DAB1: variants seen among roughly 807,000 people sequenced by gnomAD.
DAB1 encodes the protein DAB adaptor protein 1.
A neutral mutation model predicts 64.6 loss-of-function variants in DAB1; 15 were observed. The ratio of observed to expected loss-of-function variants is 0.23; its 90% confidence interval spans 0.16 to 0.36. The LOEUF is 0.36. DAB1 is among the 10% of genes least tolerant of loss of function. DAB1 has a pLI of 1.00. For synonymous variants in DAB1, 235 were observed against 251.9 expected (o/e 0.93, Z 0.64); for missense variants, 596 against 706.7 (o/e 0.84, Z 1.78).
At chr1:57,205,793 C>A (rs1332332084) in intron 2 of DAB1, among the ~76,000 whole-genome samples, 1 of 152,176 alleles carries the variant, frequency 6.6e-6, no homozygotes, top group Non-Finnish European at 1.5e-5. Flanking sequence ...ACATCTCTAG[C>A]AAACAAGCTT....
chr1:57,403,447 G>A (rs1683402366), intron 1 of DAB1, among the ~76,000 whole-genome samples: 1 of 152,154 alleles, frequency 6.6e-6, no homozygotes, highest in Admixed American at 6.5e-5. Context: ...ACCTGGACTT[G>A]TTTATGTGAG....
intron 2 of DAB1, among the ~76,000 whole-genome samples, chr1:57,192,189 C>A (rs1305694806): frequency 2.0e-5 from 3 of 152,054 alleles, no homozygotes; most frequent in Non-Finnish European, 2.9e-5. Context: ...TTCTGGTGGG[C>A]ACCTGTAGTC....
chr1:57,196,342 G>A (rs1420020692), intron 2 of DAB1, among the ~76,000 whole-genome samples: 3 of 152,194 alleles, frequency 2.0e-5, no homozygotes, highest in East Asian at 3.9e-4. Flanking sequence ...ACAATACCTA[G>A]AGCTGGACAT....
chr1:58,120,965 A>G (rs1212956791), intron 5 of DAB1, among the ~76,000 whole-genome samples: 1 of 152,196 alleles, frequency 6.6e-6, no homozygotes, highest in African/African-American at 2.4e-5. Context: ...GGTGTAGGGT[A>G]GGGAGTTTCA....
intron 5 of DAB1, among the ~76,000 whole-genome samples, chr1:57,891,558 C>G (rs534438127): frequency 6.6e-6 from 1 of 152,158 alleles, no homozygotes; most frequent in Non-Finnish European, 1.5e-5. Flanking sequence ...CACATGCACA[C>G]GTATGTTTAT....
intron 5 of DAB1, among the ~76,000 whole-genome samples, chr1:58,031,932 A>T (rs1361894284): frequency 6.8e-6 from 1 of 146,914 alleles, no homozygotes; most frequent in East Asian, 2.0e-4. Flanking sequence ...TTGAAATTGT[A>T]AAAAAAAAAA....
At chr1:57,793,642 G>A (rs918642522) in intron 6 of DAB1, among the ~76,000 whole-genome samples, 1 of 152,176 alleles carries the variant, frequency 6.6e-6, no homozygotes, top group Non-Finnish European at 1.5e-5. Flanking sequence ...GAGTGAGACA[G>A]ACCAGATTTT....
intron 4 of DAB1, among the ~76,000 whole-genome samples, chr1:57,098,835 T>C (rs188545767): frequency 3.7e-3 from 556 of 152,316 alleles, no homozygotes; most frequent in South Asian, 9.5e-3. Flanking sequence ...TGATATTATT[T>C]GAGAAAGAAT....
At chr1:58,533,682 TA>T (rs1646471860) in intron 1 of DAB1, among the ~76,000 whole-genome samples, 1 of 152,126 alleles carries the variant, frequency 6.6e-6, no homozygotes, top group Non-Finnish European at 1.5e-5. Context: ...TTGAAATAAT[TA>T]GGGGTTGAGA....
chr1:57,068,017 C>T (rs1186367990), intron 8 of DAB1, among the ~76,000 whole-genome samples: 1 of 152,170 alleles, frequency 6.6e-6, no homozygotes, highest in Admixed American at 6.5e-5. Flanking sequence ...CCAGCTAAAG[C>T]AGGTCTTTCC....
intron 5 of DAB1, among the ~76,000 whole-genome samples, chr1:58,124,139 G>A (rs1394253988): frequency 2.0e-5 from 3 of 151,612 alleles, no homozygotes; most frequent in Non-Finnish European, 4.4e-5. Context: ...CAGTAGATTT[G>A]GGATGCACGT....
At chr1:57,574,059 G>A (rs1645221648) in intron 7 of DAB1, among the ~76,000 whole-genome samples, 1 of 152,180 alleles carries the variant, frequency 6.6e-6, no homozygotes, top group African/African-American at 2.4e-5. Context: ...TGGAAGGATG[G>A]TAACCAGATA....
chr1:57,898,278 GA>G (rs1008340364), intron 5 of DAB1, among the ~76,000 whole-genome samples: 7 of 152,120 alleles, frequency 4.6e-5, no homozygotes, highest in African/African-American at 1.7e-4. Context: ...CTGGGACTTT[GA>G]CCTACCTCAT....
chr1:58,053,413 G>C (rs550235672), intron 5 of DAB1, among the ~76,000 whole-genome samples: 69 of 152,280 alleles, frequency 4.5e-4, no homozygotes, highest in African/African-American at 1.6e-3. Flanking sequence ...CATGGTGAAA[G>C]AGGAAGCAAG....
chr1:57,528,661 C>CACACAT lies in DAB1; in HGVS notation n.625+120930_625+120931insATGTGT, dbSNP rs1553190981. 8.4e-3 allele frequency among the ~76,000 whole-genome samples: 1,264 copies of CACACAT among 150,144 alleles called. 28 individuals carry two copies. The highest frequency in any genetic ancestry group is 0.033 in the East Asian group (166 of 5,094). ...GGACACACACACACACACACACACA[C>CACACAT]ACACACACACACACACGGACACACA... is the stretch of plus-strand genomic sequence containing the variant. On this transcript the variant is annotated intron_variant and non_coding_transcript_variant, in intron 7 of 20. Coordinates refer to the DAB1 transcript ENST00000485760.
intron 7 of DAB1, among the ~76,000 whole-genome samples, chr1:57,502,544 T>C (rs1644302815): frequency 6.6e-6 from 1 of 152,196 alleles, no homozygotes; most frequent in South Asian, 2.1e-4. Flanking sequence ...AATAGAATGT[T>C]AAGTCCATGA....
intron 2 of DAB1, among the ~76,000 whole-genome samples, chr1:57,201,889 T>A (rs1288745214): frequency 6.6e-6 from 1 of 152,084 alleles, no homozygotes. Flanking sequence ...AATGCATGCA[T>A]GCATGCATGT....
At chr1:57,428,775 A>T (rs1314237727), upstream of DAB1, among the ~76,000 whole-genome samples, 1 of 146,954 alleles carries the variant, frequency 6.8e-6, no homozygotes, top group East Asian at 2.1e-4. Flanking sequence ...TTACAGTCCC[A>T]CCAACAGCGT....
At chr1:58,251,587 C>T (rs1272122066) in intron 4 of DAB1, among the ~76,000 whole-genome samples, 1 of 152,082 alleles carries the variant, frequency 6.6e-6, no homozygotes, top group Non-Finnish European at 1.5e-5. Context: ...GAAGAAGGAA[C>T]AGGTTGAATG....
Sources: allele counts gnomAD v4.1 joint callset (sites outside exome capture counted in the v4.1 genomes callset), GRCh38; gene constraint gnomAD v4.1.1; transcripts MANE v1.5; gene names NCBI Gene and HGNC (gene_info 2026-07-23, HGNC 2026-07-21).